Variants in ZNF385B observed in about 807,000 individuals in gnomAD.
ZNF385B encodes zinc finger protein 385B, also known as zinc finger protein 533.
ZNF385B carries 23 observed loss-of-function variants against 39.2 expected under a neutral mutation model. The observed-to-expected ratio is 0.59, with a 90% CI of 0.42 to 0.83. ZNF385B has a LOEUF of 0.83. Among genes scored for constraint, ZNF385B ranks in the 40% least tolerant of loss-of-function variants. The pLI is 0.00. For synonymous variants in ZNF385B, 205 were observed against 222.6 expected (o/e 0.92, Z 0.70); for missense variants, 552 against 598.9 (o/e 0.92, Z 0.82).
chr2:179,836,508 G>GTTTTATTT (rs1559237839), intron 1 of ZNF385B, among the ~76,000 whole-genome samples: 1 of 106,010 alleles, frequency 9.4e-6, no homozygotes, highest in African/African-American at 4.0e-5. Flanking sequence ...AGGTTCTTGC[G>GTTTTATTT]TTTTCTTTTT....
intron 3 of ZNF385B, among the ~76,000 whole-genome samples, chr2:179,713,432 G>A (rs957674751): frequency 6.6e-6 from 1 of 151,970 alleles, no homozygotes; most frequent in East Asian, 1.9e-4. Context: ...TTTTCAACTA[G>A]TTAGCTCCTA....
At chr2:179,446,908 G>A (rs2105548631) in intron 6 of ZNF385B, 138 bp from the exon 7 acceptor site, 2 of 1,102,040 alleles carry the variant, frequency 1.8e-6, no homozygotes, top group East Asian at 2.5e-5. Flanking sequence ...GTTTATAGAG[G>A]TTAAATCAAC....
chr2:179,837,481 G>A (rs1004346864), intron 1 of ZNF385B, among the ~76,000 whole-genome samples: 1 of 152,152 alleles, frequency 6.6e-6, no homozygotes, highest in Non-Finnish European at 1.5e-5. Context: ...GGAAAAGCAG[G>A]TTAGTAGAAA....
intron 3 of ZNF385B, among the ~76,000 whole-genome samples, chr2:179,741,025 A>T (rs184118594): frequency 6.6e-6 from 1 of 152,068 alleles, no homozygotes; most frequent in Admixed American, 6.6e-5. Context: ...CAAAGAAGAT[A>T]TGGTTTTGTA....
intron 6 of ZNF385B, among the ~76,000 whole-genome samples, chr2:179,455,386 C>A (rs1196507315): frequency 2.0e-5 from 3 of 151,770 alleles, no homozygotes; most frequent in Admixed American, 2.0e-4. Flanking sequence ...ATGATTACCT[C>A]CATGCTGCTG....
chr2:179,449,575 GAAACCAC>G, intron 6 of ZNF385B, among the ~76,000 whole-genome samples: 1 of 151,898 alleles, frequency 6.6e-6, no homozygotes, highest in Non-Finnish European at 1.5e-5. Context: ...AGGAGAACTA[GAAACCAC>G]TGCTCAATGA....
intron 3 of ZNF385B, among the ~76,000 whole-genome samples, chr2:179,594,796 T>TG (rs1687859385): frequency 1.9e-5 from 1 of 52,626 alleles, no homozygotes; most frequent in African/African-American, 5.7e-5. Context: ...ATAGGTAAAC[T>TG]CTTTTTTTTT....
chr2:179,713,646 T>A (rs1700143675), intron 3 of ZNF385B, among the ~76,000 whole-genome samples: 1 of 152,198 alleles, frequency 6.6e-6, no homozygotes, highest in African/African-American at 2.4e-5. Flanking sequence ...AAGGTCCAAA[T>A]CTGCTTTACT....
At chr2:179,528,658 CT>C (rs1383825662) in intron 4 of ZNF385B, among the ~76,000 whole-genome samples, 4 of 152,138 alleles carry the variant, frequency 2.6e-5, no homozygotes, top group African/African-American at 7.2e-5. Flanking sequence ...CGACAGATAA[CT>C]TTTAAACTGT....
At chr2:179,469,225 A>G (rs1436253718) in intron 6 of ZNF385B, among the ~76,000 whole-genome samples, 2 of 152,202 alleles carry the variant, frequency 1.3e-5, no homozygotes, top group Non-Finnish European at 2.9e-5. Flanking sequence ...CCTGGGCCAC[A>G]CTGGAAGAAG....
At chr2:179,571,813 C>T (rs1423872308) in intron 3 of ZNF385B, among the ~76,000 whole-genome samples, 1 of 152,034 alleles carries the variant, frequency 6.6e-6, no homozygotes, top group East Asian at 1.9e-4. Context: ...TTAGACACAA[C>T]CCTCCTCTGG....
At chr2:179,707,845 C>T (rs937449663) in intron 3 of ZNF385B, among the ~76,000 whole-genome samples, 6 of 152,210 alleles carry the variant, frequency 3.9e-5, no homozygotes, top group African/African-American at 1.2e-4. Context: ...AATAGATAAA[C>T]AGCCTAATGC....
chr2:179,708,879 G>C (rs1699804293), intron 3 of ZNF385B, among the ~76,000 whole-genome samples: 1 of 152,196 alleles, frequency 6.6e-6, no homozygotes, highest in Admixed American at 6.5e-5. Context: ...AAACAGCCCT[G>C]TATGGCCCCT....
At chr2:179,580,967 G>A (rs1686443058) in intron 3 of ZNF385B, among the ~76,000 whole-genome samples, 1 of 152,158 alleles carries the variant, frequency 6.6e-6, no homozygotes, top group Admixed American at 6.5e-5. Context: ...CCTAGGCAAG[G>A]TTAGCATGAA....
intron 3 of ZNF385B, among the ~76,000 whole-genome samples, chr2:179,679,054 G>T (rs976765362): frequency 6.6e-6 from 1 of 152,096 alleles, no homozygotes; most frequent in Non-Finnish European, 1.5e-5. Flanking sequence ...AGTGTTAGAC[G>T]CTCATGTAAT....
chr2:179,545,053 T>A, intron 3 of ZNF385B, 84 bp from the exon 4 acceptor site: 1 of 1,566,558 alleles, frequency 6.4e-7, no homozygotes, highest in Non-Finnish European at 8.8e-7. Context: ...AACAAGTCTG[T>A]TGAGCTGCAA....
At chr2:179,778,040 GT>G (rs201584603) in intron 1 of ZNF385B, among the ~76,000 whole-genome samples, 1 of 151,940 alleles carries the variant, frequency 6.6e-6, no homozygotes, top group African/African-American at 2.4e-5. Flanking sequence ...CTGTCAAGAG[GT>G]TTTTTTTAAT....
intron 5 of ZNF385B, among the ~76,000 whole-genome samples, chr2:179,493,165 T>G (rs962756209): frequency 6.6e-6 from 1 of 152,118 alleles, no homozygotes; most frequent in Admixed American, 6.5e-5. Flanking sequence ...TATGATATCA[T>G]CAATGTGAAT....
At chr2:179,713,092 G>A (rs887566716) in intron 3 of ZNF385B, among the ~76,000 whole-genome samples, 1 of 152,154 alleles carries the variant, frequency 6.6e-6, no homozygotes, top group Non-Finnish European at 1.5e-5. Flanking sequence ...GCTAATAAAA[G>A]TGTTCTGCGC....
Sources: allele counts gnomAD v4.1 joint callset (sites outside exome capture counted in the v4.1 genomes callset), GRCh38; gene constraint gnomAD v4.1.1; transcripts MANE v1.5; gene names NCBI Gene and HGNC (gene_info 2026-07-23, HGNC 2026-07-21).